Variants in PDSS2 observed in about 807,000 individuals in gnomAD.
PDSS2 encodes all trans-polyprenyl-diphosphate synthase PDSS2.
PDSS2 carries 31 observed loss-of-function variants against 44.5 expected under a neutral mutation model. The ratio of observed to expected loss-of-function variants is 0.70; its 90% CI spans 0.52 to 0.94. PDSS2 has a LOEUF of 0.94. PDSS2 is among the 40% of genes least tolerant of loss of function. The probability of loss-of-function intolerance (pLI) is 0.00; values close to 1 mark genes in which losing one functional copy is unlikely to be tolerated. For missense variants in PDSS2, 452 were observed against 482.2 expected (o/e 0.94, Z 0.59); for synonymous variants, 157 against 180.3 (o/e 0.87, Z 1.03).
At chr6:107,162,810 G>A (rs1343950930) in intron 7 of PDSS2, among the ~76,000 whole-genome samples, 1 of 151,736 alleles carries the variant, frequency 6.6e-6, no homozygotes, top group Non-Finnish European at 1.5e-5. Flanking sequence ...TCACCAGATT[G>A]GCCAGGATGG....
chr6:107,381,474 G>A (rs1779453877), intron 1 of PDSS2, among the ~76,000 whole-genome samples: 2 of 152,028 alleles, frequency 1.3e-5, no homozygotes, highest in Non-Finnish European at 2.9e-5. Context: ...TTAAGATGCT[G>A]CTTATGTTTA....
chr6:107,388,792 CA>C (rs1190872832), intron 1 of PDSS2, among the ~76,000 whole-genome samples: 1 of 152,032 alleles, frequency 6.6e-6, no homozygotes, highest in African/African-American at 2.4e-5. Context: ...TATTCATAAT[CA>C]AAGAACTGGA....
At chr6:107,224,180 C>A (rs1173799901) in intron 4 of PDSS2, among the ~76,000 whole-genome samples, 1 of 151,344 alleles carries the variant, frequency 6.6e-6, no homozygotes, top group East Asian at 1.9e-4. Context: ...ATGAGCTGCT[C>A]AAAAAGCGAA....
intron 1 of PDSS2, among the ~76,000 whole-genome samples, chr6:107,446,078 G>A (rs1781668013): frequency 6.6e-6 from 1 of 152,124 alleles, no homozygotes; most frequent in African/African-American, 2.4e-5. Flanking sequence ...AGCACTTTGA[G>A]AGGCCGAGGC....
chr6:107,356,447 G>A (rs965583040), intron 1 of PDSS2, among the ~76,000 whole-genome samples: 7 of 152,162 alleles, frequency 4.6e-5, no homozygotes, highest in African/African-American at 1.7e-4. Context: ...AGAAGGAGAA[G>A]CTCCAGAGGT....
chr6:107,438,224 T>A (rs1258392197), intron 1 of PDSS2, among the ~76,000 whole-genome samples: 1 of 152,140 alleles, frequency 6.6e-6, no homozygotes, highest in Non-Finnish European at 1.5e-5. Flanking sequence ...ATTTTTATTT[T>A]TTGAGATGGA....
chr6:107,289,130 T>G (rs1408892365), intron 2 of PDSS2, among the ~76,000 whole-genome samples: 2 of 149,364 alleles, frequency 1.3e-5, no homozygotes, highest in African/African-American at 4.9e-5. Context: ...ACCAGCATTT[T>G]GGGAGGCCAA....
chr6:107,422,103 C>T (rs1240112470), intron 1 of PDSS2, among the ~76,000 whole-genome samples: 1 of 140,626 alleles, frequency 7.1e-6, no homozygotes, highest in Non-Finnish European at 1.6e-5. Context: ...AAAAAAAAAA[C>T]TTAAAACATT....
intron 1 of PDSS2, among the ~76,000 whole-genome samples, chr6:107,409,474 C>G (rs1189240603): frequency 1.3e-5 from 2 of 151,950 alleles, no homozygotes; most frequent in East Asian, 3.9e-4. Flanking sequence ...GACTTAGATA[C>G]AGAAGTCAAG....
At chr6:107,426,881 T>C (rs2039928839) in intron 1 of PDSS2, among the ~76,000 whole-genome samples, 1 of 152,130 alleles carries the variant, frequency 6.6e-6, no homozygotes, top group Non-Finnish European at 1.5e-5. Flanking sequence ...GGGAAGTAAC[T>C]TTCTTTTGAT....
chr6:107,180,931 A>C (rs1475270900), intron 7 of PDSS2, among the ~76,000 whole-genome samples: 1 of 152,108 alleles, frequency 6.6e-6, no homozygotes, highest in East Asian at 1.9e-4. Flanking sequence ...CGCAACCTCC[A>C]TCTCCCGGAT....
intron 1 of PDSS2, among the ~76,000 whole-genome samples, chr6:107,438,348 A>C (rs547982174): frequency 7.9e-5 from 12 of 152,186 alleles, no homozygotes; most frequent in African/African-American, 2.9e-4. Context: ...AGCTGGAATT[A>C]CAAGCATGCA....
intron 3 of PDSS2, among the ~76,000 whole-genome samples, chr6:107,272,377 G>A (rs1775630793): frequency 6.6e-6 from 1 of 152,134 alleles, no homozygotes; most frequent in South Asian, 2.1e-4. Flanking sequence ...TCAAAGGAAG[G>A]AGATCTGCCC....
At chr6:107,175,231 ATCTC>A (rs1421455519) in intron 7 of PDSS2, among the ~76,000 whole-genome samples, 1 of 138,352 alleles carries the variant, frequency 7.2e-6, no homozygotes, top group East Asian at 2.1e-4. Context: ...AAAAAAAAAG[ATCTC>A]TCTCTCTCTC....
intron 2 of PDSS2, among the ~76,000 whole-genome samples, chr6:107,294,671 T>C (rs116836860): frequency 0.017 from 2,534 of 152,300 alleles, 72 homozygotes; most frequent in African/African-American, 0.058. Context: ...TAGTATCTCA[T>C]TTAATCTTCA....
At position 107,202,396 on chromosome 6, in the gene PDSS2, CAAAACA is replaced by C. The variant is rs1201599383; in HGVS notation, c.1008+8037_1008+8042del. On this transcript the variant is annotated intron_variant, in intron 6 of 7. Coordinates refer to ENST00000369037, the MANE Select transcript of PDSS2 (RefSeq NM_020381.4). ...GCCATCTCTGCAAAAAAAAAACAAA[CAAAACA>C]AAACAAAACAAAACAAAACAGTGTG... Among the ~76,000 whole-genome samples the C allele has an allele frequency of 2.0e-5, 3 of 149,740 alleles. No homozygotes were observed. The Admixed American group carries it at 2.0e-4, about 10-fold the overall frequency.
chr6:107,305,281 G>A (rs772092751), intron 2 of PDSS2, among the ~76,000 whole-genome samples: 2 of 152,020 alleles, frequency 1.3e-5, no homozygotes, highest in Non-Finnish European at 2.9e-5. Flanking sequence ...TGGCAAGTGT[G>A]GCTTCTGAGT....
Position 107,331,836 on chromosome 6 carries a change from T to C in PDSS2, c.431+2362A>G, listed in dbSNP as rs190913819. 1.3e-4 allele frequency among the ~76,000 whole-genome samples: 20 copies of C among 151,914 alleles called. No individual in the cohort carries two copies. In the East Asian group the frequency reaches 2.9e-3, roughly 22 times the overall value. ...GCAAGGATTATTTTAGGATTAGAGA[T>C]AAAAAAAATAGTAGGTGCTCATTAT... On this transcript the variant is annotated intron_variant, in intron 2 of 7. Transcript: ENST00000369037.
intron 7 of PDSS2, among the ~76,000 whole-genome samples, chr6:107,161,321 A>G (rs1771120910): frequency 6.6e-6 from 1 of 151,980 alleles, no homozygotes. Flanking sequence ...TCTACTAAAA[A>G]TACAAAAAAT....
Sources: allele counts gnomAD v4.1 joint callset (sites outside exome capture counted in the v4.1 genomes callset), GRCh38; gene constraint gnomAD v4.1.1; transcripts MANE v1.5; gene names NCBI Gene and HGNC (gene_info 2026-07-23, HGNC 2026-07-21).